The following SPRING1 variants were observed in gnomAD, a reference collection of about 807,000 sequenced individuals.
The protein encoded by SPRING1 is SREBP regulating gene protein.
In SPRING1, 14 loss-of-function variants were observed where a neutral mutation model predicts 24.7. The observed-to-expected ratio is 0.57, with a 90% CI of 0.37 to 0.88. SPRING1 has a LOEUF of 0.88. Ranked by LOEUF, SPRING1 falls within the 40% of genes least tolerant of loss-of-function variation. SPRING1 has a pLI of 0.00. For missense variants in SPRING1, 255 were observed against 268.4 expected (o/e 0.95, Z 0.35); for synonymous variants, 93 against 106.1 (o/e 0.88, Z 0.76).
In SPRING1 at chr12:116,738,045, A is replaced by C. The variant is rs1871380951; in HGVS notation, c.-145T>G. ...GCCCGCAGCCCAGTCTGCTCCCGGC[A>C]GCCTTGGGCGCAGCCCCACGTGACC... On this transcript the variant is annotated 5_prime_UTR_variant, in exon 1 of 5. Transcript: ENST00000261318. 1 of 1,092,018 alleles carries C rather than the reference A, an allele frequency of 9.2e-7. No individual in the cohort carries two copies. The allele number at this position is 1,092,018 out of a possible 1,614,324, so 67.6% of individuals were successfully genotyped here. A position where few individuals can be genotyped will look rare whatever the true frequency, so the allele number is the denominator to read the frequency against.
chr12:116,717,149 T>G lies in SPRING1; in HGVS notation c.*661A>C, dbSNP rs1870177612. 1 of 152,124 alleles carries G rather than the reference T, an allele frequency of 6.6e-6. No homozygotes were observed. Among genetic ancestry groups the G allele is most frequent in the South Asian group, 2.1e-4 (1 of 4,824 alleles). 9.4% of individuals were successfully genotyped at this position (152,124 alleles called of 1,614,324 possible). The stretch of plus-strand genomic sequence containing the variant: ...TTAGAATGGAAGAGTGTCTGAGTTT[T>G]TAGATAATTTTACACGTCAGGATAT... On this transcript the variant is annotated 3_prime_UTR_variant, in exon 5 of 5. Transcript: ENST00000261318. This position sits in a 1 kb window ranked among gnomAD's most constrained non-coding sequence, Gnocchi z 4.2.
Position 116,710,437 on chromosome 12 carries a change from G to A in SPRING1, c.*7373C>T, listed in dbSNP as rs1869823012. 6.6e-6 allele frequency: 1 copy of A among 152,250 alleles called. No individual in the cohort carries two copies. Among genetic ancestry groups the A allele is most frequent in the Non-Finnish European group, 1.5e-5 (1 of 68,050 alleles). 9.4% of individuals were successfully genotyped at this position (152,250 alleles called of 1,614,324 possible). A position where few individuals can be genotyped will look rare whatever the true frequency, so the allele number is the denominator to read the frequency against. On this transcript the variant is annotated 3_prime_UTR_variant, in exon 5 of 5. Coordinates refer to ENST00000261318, the MANE Select transcript of SPRING1 (RefSeq NM_024738.4). ...CCTGTAGAAGCCCTGCTTAGTAGGA[G>A]TTCCAAGATGCTCTGTGTATCTCAG...
intron 1 of SPRING1, among the ~76,000 whole-genome samples, chr12:116,725,747 G>A (rs888489467): frequency 3.5e-4 from 53 of 152,112 alleles, no homozygotes; most frequent in African/African-American, 1.2e-3. Flanking sequence ...TTAGCTGGGC[G>A]TGGTGGCGGG....
At chr12:116,737,668 G>A (rs1453497666) in intron 1 of SPRING1, 122 bp downstream of exon 1, 16 of 1,141,092 alleles carry the variant, frequency 1.4e-5, no homozygotes, top group South Asian at 2.0e-5. Context: ...GAAGGGAAGG[G>A]GTAGGAAGAC....
chr12:116,726,944 C>T (rs949224060), intron 1 of SPRING1, among the ~76,000 whole-genome samples: 1 of 152,158 alleles, frequency 6.6e-6, no homozygotes. Context: ...CACTTCAATG[C>T]GTTTCCAAAC....
chr12:116,737,762 G>T, intron 1 of SPRING1, 28 bp downstream of exon 1: 1 of 1,553,058 alleles, frequency 6.4e-7, no homozygotes, highest in African/African-American at 1.4e-5. Context: ...AAGAAGGGAA[G>T]GGGAGGAGGG....
intron 1 of SPRING1, among the ~76,000 whole-genome samples, chr12:116,735,866 C>T (rs1397777145): frequency 6.6e-6 from 1 of 151,566 alleles, no homozygotes; most frequent in Non-Finnish European, 1.5e-5. Flanking sequence ...CATGGAGAAA[C>T]CCCGTTTCTA....
At chr12:116,723,770 T>C (rs760705669) in intron 1 of SPRING1, among the ~76,000 whole-genome samples, 1 of 152,154 alleles carries the variant, frequency 6.6e-6, no homozygotes, top group Admixed American at 6.5e-5. Flanking sequence ...AAATGAAGCA[T>C]GTCAACTTGT....
intron 1 of SPRING1, among the ~76,000 whole-genome samples, chr12:116,734,808 G>A (rs1183153592): frequency 6.6e-6 from 1 of 152,224 alleles, no homozygotes; most frequent in Non-Finnish European, 1.5e-5. Context: ...ATGGTCTGAA[G>A]CAGTAACAGT....
At chr12:116,718,909 A>G (rs189497463) in intron 4 of SPRING1, among the ~76,000 whole-genome samples, 1 of 152,360 alleles carries the variant, frequency 6.6e-6, no homozygotes, top group East Asian at 1.9e-4. Context: ...TTACCCAATG[A>G]TACTGAATGC....
intron 1 of SPRING1, among the ~76,000 whole-genome samples, chr12:116,735,004 G>A (rs1191470572): frequency 6.6e-6 from 1 of 152,238 alleles, no homozygotes; most frequent in Non-Finnish European, 1.5e-5. Flanking sequence ...GGCTACTGCA[G>A]TGGTCCAGAC....
rs1350698674 is a variant in SPRING1 at position 116,714,254 on chromosome 12, G to A, written c.*3556C>T. 1 of 152,186 alleles carries A rather than the reference G, an allele frequency of 6.6e-6. No individual in the cohort carries two copies. The highest frequency in any genetic ancestry group is 1.5e-5 in the Non-Finnish European group (1 of 68,040). The allele number at this position is 152,186 out of a possible 1,614,324, so 9.4% of individuals were successfully genotyped here. ...CCCAAAAGAATTCTGTCCTACTTAT[G>A]AAAAGTATATCCAATAAGCAGTACC... On this transcript the variant is annotated 3_prime_UTR_variant, in exon 5 of 5. Transcript: ENST00000261318.
At chr12:116,734,170 C>A (rs1871121923) in intron 1 of SPRING1, among the ~76,000 whole-genome samples, 1 of 152,198 alleles carries the variant, frequency 6.6e-6, no homozygotes, top group East Asian at 1.9e-4. Flanking sequence ...AGCCATCGCA[C>A]CCAGCCCATT....
intron 1 of SPRING1, among the ~76,000 whole-genome samples, chr12:116,729,365 G>A (rs1252315116): frequency 1.3e-5 from 2 of 152,222 alleles, no homozygotes; most frequent in Non-Finnish European, 2.9e-5. Context: ...ACAGCTGCAG[G>A]TTCCTAAAAG....
In SPRING1 at chr12:116,731,856, G is replaced by A. The variant is rs557030436; in HGVS notation, c.111+5934C>T. Among the ~76,000 whole-genome samples, 24 of 152,282 alleles carry A rather than the reference G, an allele frequency of 1.6e-4. No homozygotes were observed. In the East Asian group the frequency reaches 4.6e-3, roughly 29 times the overall value. ...GCTACAAGTCTAACATGGGTAAGCC[G>A]AGGGGTTCTGCTCATCCTAGTCCCT... On this transcript the variant is annotated intron_variant, in intron 1 of 4. Transcript: ENST00000261318.
rs149198022 is a variant in SPRING1, at chr12:116,723,324, T to C, written c.112-101A>G. On this transcript the variant is annotated intron_variant, in intron 1 of 4. Transcript: ENST00000261318. Reference sequence around the variant, plus strand: ...CTACAGTAAGAGGACAGAAATACTATAAAAGGCTTACACTACCAGAATCTG... The same window carrying C: ...CTACAGTAAGAGGACAGAAATACTACAAAAGGCTTACACTACCAGAATCTG... The C allele has an allele frequency of 1.7e-5, 24 of 1,383,106 alleles. No homozygotes were observed. The Admixed American group carries it at 4.5e-4, about 26-fold the overall frequency. The allele number at this position is 1,383,106 out of a possible 1,614,324, so 85.7% of individuals were successfully genotyped here.
In SPRING1 at chr12:116,713,431, A is replaced by C. The variant is rs1043873342; in HGVS notation, c.*4379T>G. On this transcript the variant is annotated 3_prime_UTR_variant, in exon 5 of 5. Transcript: ENST00000261318. ...ACATGATAAATGGCCAATCAAAATA[A>C]GGAATGGGGCTCATTCTGCTGGAAA... 7.9e-5 allele frequency: 12 copies of C among 152,258 alleles called. 1 individual carries two copies. The highest frequency in any genetic ancestry group is 7.8e-4 in the Admixed American group (12 of 15,290). The allele number at this position is 152,258 out of a possible 1,614,324, so 9.4% of individuals were successfully genotyped here.
chr12:116,733,979 C>T (rs1478085284), intron 1 of SPRING1, among the ~76,000 whole-genome samples: 2 of 152,170 alleles, frequency 1.3e-5, no homozygotes, highest in South Asian at 2.1e-4. Context: ...CAGGTTCAAG[C>T]GACTCTCCTG....
In SPRING1 at chr12:116,710,774, C is replaced by T. The variant is rs770552727; in HGVS notation, c.*7036G>A. The T allele has an allele frequency of 6.6e-6, 1 of 152,134 alleles. No homozygotes were observed. The highest frequency in any genetic ancestry group is 2.4e-5 in the African/African-American group (1 of 41,424). The allele number at this position is 152,134 out of a possible 1,614,324, so 9.4% of individuals were successfully genotyped here. On this transcript the variant is annotated 3_prime_UTR_variant, in exon 5 of 5. Transcript: ENST00000261318. The stretch of plus-strand genomic sequence containing the variant: ...ACATTTGTCCTGTGAAAATCAAAAG[C>T]CTGGGACCCAGCCGCTGGGATACGA...
Sources: gnomAD v4.1 joint callset for allele counts (sites outside exome capture counted in the v4.1 genomes callset) on GRCh38, gnomAD v4.1.1 for gene constraint, Gnocchi (gnomAD v3.1) non-coding constraint, MANE v1.5 for transcripts, NCBI Gene and HGNC (gene_info 2026-07-23, HGNC 2026-07-21) for gene names.